CHM: variants seen among roughly 807,000 people sequenced by gnomAD.
The protein encoded by CHM is rab proteins geranylgeranyltransferase component A 1.
In CHM, 10 loss-of-function variants were observed where a neutral mutation model predicts 49.0. The observed-to-expected ratio is 0.20, with a 90% confidence interval of 0.13 to 0.35. CHM has a LOEUF of 0.35. Ranked by LOEUF, CHM falls within the 10% of genes least tolerant of loss-of-function variation. CHM has a pLI of 1.00. For missense variants in CHM, 455 were observed against 478.4 expected (o/e 0.95, Z 0.46); for synonymous variants, 184 against 167.5 (o/e 1.10, Z -0.76).
At chrX:85,911,131 A>ATG (rs1171081818) in intron 9 of CHM, 130 bp downstream of exon 9, 7 of 5,335 alleles carry the variant, frequency 1.3e-3, no homozygotes, top group Admixed American at 6.0e-3. Context: ...GTGTATATGT[A>ATG]TATATATATA....
chrX:86,009,826 A>G (rs182802992), intron 2 of CHM, among the ~76,000 whole-genome samples: 1 of 111,258 alleles, frequency 9.0e-6, no homozygotes, highest in Admixed American at 9.6e-5. Context: ...ACCACAGTGT[A>G]TCATGGGGAA....
chrX:85,965,655 T>A (rs1930542581), intron 4 of CHM, among the ~76,000 whole-genome samples: 2 of 110,288 alleles, frequency 1.8e-5, no homozygotes, highest in Admixed American at 9.6e-5. Context: ...AAAGTCCGAG[T>A]TAAGTGAAAA....
At position 85,900,662 on chromosome X, in the gene CHM, GT is replaced by G; in HGVS notation, c.1396del (p.Thr466GlnfsTer10). On this transcript the variant is annotated frameshift_variant, in exon 11 of 15. Transcript: ENST00000357749. LOFTEE classifies it high-confidence loss of function. ...TGAATTTACCTGTTGATCTGAATCTGTTTTTAGGACAGATCTATCTGTAATC... is the reference window on the plus strand; with the variant it reads ...TGAATTTACCTGTTGATCTGAATCTGTTTTAGGACAGATCTATCTGTAATC... ...VLITDRSVLK[T>X]DSDQQISILT... 1 of 1,179,467 alleles carries G rather than the reference GT, an allele frequency of 8.5e-7. No individual in the cohort carries two copies. The highest frequency in any genetic ancestry group is 1.2e-6 in the Non-Finnish European group (1 of 868,464).
chrX:85,910,458 A>G (rs1412843325), intron 9 of CHM, among the ~76,000 whole-genome samples: 1 of 111,931 alleles, frequency 8.9e-6, no homozygotes. Flanking sequence ...AGTTTCTAAA[A>G]CTGGATCTAA....
chrX:85,969,717 C>T (rs947524600), intron 4 of CHM: 1 of 111,664 alleles, frequency 9.0e-6, no homozygotes, highest in African/African-American at 3.3e-5. Flanking sequence ...CTTAAATGCC[C>T]ATCAACAAAT....
At chrX:85,981,047 C>T (rs1038584455) in intron 3 of CHM, among the ~76,000 whole-genome samples, 1 of 106,969 alleles carries the variant, frequency 9.3e-6, no homozygotes, top group African/African-American at 3.4e-5. Flanking sequence ...TATACTGACT[C>T]TAAGAGCAAC....
chrX:86,031,898 G>C (rs1171535947), intron 1 of CHM, among the ~76,000 whole-genome samples: 2 of 112,060 alleles, frequency 1.8e-5, no homozygotes, highest in Non-Finnish European at 3.8e-5. Context: ...TGGTCTTATT[G>C]CTAATTTGGT....
In CHM at chrX:85,863,471, T is replaced by C. The variant is rs1923493753; in HGVS notation, c.*1159A>G. 1 of 112,014 alleles carries C rather than the reference T, an allele frequency of 8.9e-6. No homozygotes were observed. Among genetic ancestry groups the C allele is most frequent in the South Asian group, 3.7e-4 (1 of 2,728 alleles). 9.2% of individuals were successfully genotyped at this position (112,014 alleles called of 1,213,427 possible). On this transcript the variant is annotated 3_prime_UTR_variant, in exon 15 of 15. Transcript: ENST00000357749. ...GCAGGTTTACCTACCAGAAAAGGAA[T>C]AAAACAATTTATAGAGTGTTTTCCT...
intron 2 of CHM, among the ~76,000 whole-genome samples, chrX:85,989,180 C>T (rs2032431003): frequency 9.0e-6 from 1 of 110,994 alleles, no homozygotes; most frequent in South Asian, 3.9e-4. Flanking sequence ...AATAGAGAGC[C>T]CAGAAATAAG....
chrX:86,024,586 GT>G (rs1490423697), intron 2 of CHM, among the ~76,000 whole-genome samples: 1 of 112,123 alleles, frequency 8.9e-6, no homozygotes, highest in African/African-American at 3.2e-5. Context: ...AAGTCAGGAG[GT>G]TATGAGCTCA....
At chrX:85,986,998 A>G in intron 2 of CHM, among the ~76,000 whole-genome samples, 1 of 112,236 alleles carries the variant, frequency 8.9e-6, no homozygotes, top group African/African-American at 3.2e-5. Context: ...AAGTGGAATA[A>G]CACAATACAA....
rs749112394 is a variant in CHM, at chrX:85,864,645, C to T, written c.1947G>A (p.Glu649=). 1.7e-6 allele frequency: 2 copies of T among 1,207,676 alleles called. No homozygotes were observed. The highest frequency in any genetic ancestry group is 1.8e-5 in the South Asian group (1 of 56,455). Residue 649 remains glutamate, a synonymous_variant, in exon 15 of 15, where the codon GAG becomes GAA. Coordinates refer to ENST00000357749, the MANE Select transcript of CHM (RefSeq NM_000390.4). ...TGTATATCCATTATTCAGAGGACTC[C>T]TCTAGGTTTCCAAGGTTTGTGCTTT... ...FKESTNLGNL[E]ESSE
chrX:85,892,200 T>C (rs1925510705), intron 12 of CHM, among the ~76,000 whole-genome samples: 2 of 111,104 alleles, frequency 1.8e-5, no homozygotes, highest in Admixed American at 9.6e-5. Context: ...CTGTGGACTT[T>C]TGGGTTAATG....
At chrX:85,902,921 T>C (rs1405906385) in intron 9 of CHM, among the ~76,000 whole-genome samples, 2 of 111,908 alleles carry the variant, frequency 1.8e-5, no homozygotes, top group African/African-American at 6.5e-5. Context: ...TAAATTTCTA[T>C]ATCTTGATAG....
intron 1 of CHM, among the ~76,000 whole-genome samples, chrX:86,027,805 A>G (rs935884109): frequency 9.1e-6 from 1 of 110,212 alleles, no homozygotes; most frequent in Non-Finnish European, 1.9e-5. Flanking sequence ...TCACTCTGTC[A>G]CCAGCTGGAG....
intron 12 of CHM, among the ~76,000 whole-genome samples, chrX:85,885,962 A>T (rs192248880): frequency 2.7e-5 from 3 of 111,986 alleles, no homozygotes; most frequent in African/African-American, 9.7e-5. Context: ...ATTTACATTT[A>T]AAATTTATTC....
chrX:86,002,442 G>A (rs760541548), intron 2 of CHM, among the ~76,000 whole-genome samples: 1 of 111,601 alleles, frequency 9.0e-6, no homozygotes, highest in Admixed American at 9.5e-5. Context: ...GTTCCAAGAT[G>A]GCCGAATAGG....
chrX:85,991,345 G>T (rs1932177637), intron 2 of CHM, among the ~76,000 whole-genome samples: 1 of 111,472 alleles, frequency 9.0e-6, no homozygotes, highest in Admixed American at 9.5e-5. Flanking sequence ...AACTGCAATT[G>T]AAACTCAGTT....
At chrX:85,965,333 C>T (rs1163983840) in intron 4 of CHM, among the ~76,000 whole-genome samples, 1 of 111,986 alleles carries the variant, frequency 8.9e-6, no homozygotes, top group Non-Finnish European at 1.9e-5. Context: ...TCTATTATAC[C>T]ATGCTCCCAT....
Sources: gnomAD v4.1 joint callset for allele counts (sites outside exome capture counted in the v4.1 genomes callset) on GRCh38, gnomAD v4.1.1 for gene constraint, MANE v1.5 for transcripts, NCBI Gene and HGNC (gene_info 2026-07-23, HGNC 2026-07-21) for gene names.